AP2B1: variants seen among roughly 807,000 people sequenced by gnomAD.
AP2B1 encodes the protein adaptor related protein complex 2 subunit beta 1.
AP2B1 carries 23 observed loss-of-function variants against 102.0 expected under a neutral mutation model. That is an observed-to-expected ratio of 0.23 (90% CI 0.16 to 0.32). The LOEUF (loss-of-function observed/expected upper bound fraction) is 0.32, where lower values mean the gene tolerates loss of function less well. Ranked by LOEUF, AP2B1 falls within the 10% of genes least tolerant of loss-of-function variation. The pLI, the probability that AP2B1 is intolerant of heterozygous loss-of-function variation, is 1.00. For missense variants in AP2B1, 541 were observed against 1,157.4 expected (o/e 0.47, Z 7.73); for synonymous variants, 381 against 421.2 (o/e 0.90, Z 1.17).
chr17:35,698,525 G>A (rs1456135049), intron 18 of AP2B1, among the ~76,000 whole-genome samples: 1 of 152,052 alleles, frequency 6.6e-6, no homozygotes, highest in African/African-American at 2.4e-5. Flanking sequence ...TGTTGCCCAG[G>A]CTGGTCTGAA....
intron 20 of AP2B1, among the ~76,000 whole-genome samples, chr17:35,710,776 G>T (rs1555587129): frequency 6.6e-6 from 1 of 152,154 alleles, no homozygotes; most frequent in Non-Finnish European, 1.5e-5. Context: ...CATCATTAGT[G>T]AAAGCCTCGT....
intron 7 of AP2B1, 116 bp downstream of exon 7, chr17:35,626,958 T>TA: frequency 9.6e-7 from 1 of 1,037,084 alleles, no homozygotes; most frequent in Non-Finnish European, 1.4e-6. Flanking sequence ...ATGAAAATGT[T>TA]ATATGGCAGA....
chr17:35,717,092 G>T lies in AP2B1; in HGVS notation c.2627-103G>T, dbSNP rs1342002525. 7.6e-6 allele frequency: 10 copies of T among 1,308,084 alleles called. No homozygotes were observed. The East Asian group carries it at 2.1e-4, about 27-fold the overall frequency. 81.0% of individuals were successfully genotyped at this position (1,308,084 alleles called of 1,614,324 possible). Reference sequence around the variant, plus strand: ...TACACATGTCCATGTGACAGTACTTGTCAGGGAACTGAACACACATGGCTC... The same window carrying T: ...TACACATGTCCATGTGACAGTACTTTTCAGGGAACTGAACACACATGGCTC... On this transcript the variant is annotated intron_variant, in intron 20 of 21. Coordinates refer to ENST00000610402, the MANE Select transcript of AP2B1 (RefSeq NM_001030006.2).
chr17:35,716,365 A>C (rs226433), intron 20 of AP2B1, among the ~76,000 whole-genome samples: 8,514 of 152,222 alleles, frequency 0.056, 391 homozygotes, highest in East Asian at 0.14. Context: ...CTGGAACGTT[A>C]TGTCCTTTTT....
chr17:35,718,616 G>A (rs1555591339), intron 21 of AP2B1, among the ~76,000 whole-genome samples: 2 of 152,056 alleles, frequency 1.3e-5, no homozygotes, highest in African/African-American at 4.8e-5. Flanking sequence ...GAGAGGCTGA[G>A]GCAGGAGGAT....
chr17:35,720,710 C>G (rs1224016826), intron 21 of AP2B1, among the ~76,000 whole-genome samples: 1 of 149,906 alleles, frequency 6.7e-6, no homozygotes, highest in Non-Finnish European at 1.5e-5. Context: ...GCGTGAGCCA[C>G]TGCACCTGGC....
rs368495296 is a variant in AP2B1, at chr17:35,672,495, A to G, written c.2178+595A>G. 2.6e-5 allele frequency among the ~76,000 whole-genome samples: 4 copies of G among 152,210 alleles called. No homozygotes were observed. In the East Asian group the frequency reaches 7.7e-4, roughly 29 times the overall value. On this transcript the variant is annotated intron_variant, in intron 16 of 21. Coordinates refer to ENST00000610402, the MANE Select transcript of AP2B1 (RefSeq NM_001030006.2). ...CACCATCCAGGCTAGGCCAGGCTTC[A>G]TACAGTCTTACCTTTCTGAGGACCA... is the stretch of plus-strand genomic sequence containing the variant.
intron 14 of AP2B1, among the ~76,000 whole-genome samples, chr17:35,669,371 T>A (rs2075539158): frequency 1.3e-5 from 2 of 152,200 alleles, no homozygotes; most frequent in South Asian, 2.1e-4. Flanking sequence ...CTCAAACTCC[T>A]GACCTCATGA....
In AP2B1 at chr17:35,636,859, G is replaced by A. The variant is rs114699907; in HGVS notation, c.1271+403G>A. On this transcript the variant is annotated intron_variant, in intron 10 of 21. Coordinates refer to ENST00000610402, the MANE Select transcript of AP2B1 (RefSeq NM_001030006.2). Reference sequence around the variant, plus strand: ...AATGTATAAGTTTGGATGATATATCGTATAGCACCCTACCATAAAAGCCAG... The same window carrying A: ...AATGTATAAGTTTGGATGATATATCATATAGCACCCTACCATAAAAGCCAG... 8.7e-3 allele frequency among the ~76,000 whole-genome samples: 1,330 copies of A among 152,186 alleles called. 11 individuals carry two copies. Among genetic ancestry groups the A allele is most frequent in the African/African-American group, 0.027 (1,102 of 41,518 alleles).
intron 14 of AP2B1, 22 bp from the exon 15 acceptor site, chr17:35,670,835 C>G (rs754580018): frequency 1.2e-6 from 2 of 1,613,596 alleles, no homozygotes; most frequent in Non-Finnish European, 8.5e-7. Flanking sequence ...TCTCTCTCCT[C>G]TCTCTCCTTT....
intron 18 of AP2B1, among the ~76,000 whole-genome samples, chr17:35,686,093 G>T (rs587752127): frequency 6.6e-6 from 1 of 152,220 alleles, no homozygotes; most frequent in East Asian, 1.9e-4. Context: ...AATACATTAT[G>T]CCTTAAATAT....
chr17:35,610,907 C>CAAA (rs566884121), intron 5 of AP2B1, among the ~76,000 whole-genome samples: 8 of 134,412 alleles, frequency 6.0e-5, no homozygotes, highest in South Asian at 2.5e-4. Flanking sequence ...ACTCTTGTCT[C>CAAA]AAAAAAAAAA....
rs16971233 is a variant in AP2B1 at position 35,626,473 on chromosome 17, A to G, written c.717-148A>G. 5.4e-3 allele frequency: 3,717 copies of G among 693,760 alleles called. 96 individuals are homozygous for G. In the African/African-American group the frequency reaches 0.06, roughly 11 times the overall value. 43.0% of individuals were successfully genotyped at this position (693,760 alleles called of 1,614,324 possible). Reference sequence around the variant, plus strand: ...GAGGCTTCTGCATTGTTGGATCCCAATTTTACCTAAGCATGGAGCTTTGAC... The same window carrying G: ...GAGGCTTCTGCATTGTTGGATCCCAGTTTTACCTAAGCATGGAGCTTTGAC... On this transcript the variant is annotated intron_variant, in intron 6 of 21. Coordinates refer to ENST00000610402, the MANE Select transcript of AP2B1 (RefSeq NM_001030006.2).
intron 18 of AP2B1, among the ~76,000 whole-genome samples, chr17:35,693,192 G>C (rs1453000703): frequency 6.6e-6 from 1 of 151,846 alleles, no homozygotes; most frequent in Non-Finnish European, 1.5e-5. Context: ...TAATTTTTTG[G>C]ATTTTTAGTA....
intron 1 of AP2B1, among the ~76,000 whole-genome samples, chr17:35,593,159 G>C (rs1407303105): frequency 3.3e-5 from 5 of 152,074 alleles, no homozygotes. Flanking sequence ...TGGATTGTTG[G>C]AAGTAAGAAA....
At chr17:35,634,924 G>A (rs2074563122) in intron 9 of AP2B1, among the ~76,000 whole-genome samples, 1 of 152,058 alleles carries the variant, frequency 6.6e-6, no homozygotes, top group East Asian at 1.9e-4. Context: ...TCCTACGATG[G>A]CTTATTCTTC....
chr17:35,711,175 C>T (rs1353246104), intron 20 of AP2B1, among the ~76,000 whole-genome samples: 2 of 152,194 alleles, frequency 1.3e-5, no homozygotes, highest in African/African-American at 4.8e-5. Context: ...CTGTTGCTCT[C>T]TCTTTCTCTT....
At chr17:35,699,058 C>T (rs1169980885) in intron 18 of AP2B1, among the ~76,000 whole-genome samples, 1 of 152,190 alleles carries the variant, frequency 6.6e-6, no homozygotes, top group Non-Finnish European at 1.5e-5. Context: ...AAGCAGATCT[C>T]ATAGCAGAAT....
chr17:35,618,974 T>G (rs1480206968), intron 5 of AP2B1, among the ~76,000 whole-genome samples: 1 of 152,206 alleles, frequency 6.6e-6, no homozygotes, highest in East Asian at 1.9e-4. Flanking sequence ...CTGGAAATAA[T>G]GTTTGGATTA....
Sources: allele counts gnomAD v4.1 joint callset (sites outside exome capture counted in the v4.1 genomes callset), GRCh38; gene constraint gnomAD v4.1.1; transcripts MANE v1.5; gene names NCBI Gene and HGNC (gene_info 2026-07-23, HGNC 2026-07-21).